COL23A1: variants seen among roughly 807,000 people sequenced by gnomAD.
COL23A1 encodes the protein collagen alpha-1(XXIII) chain.
In COL23A1, 97 loss-of-function variants were observed where a neutral mutation model predicts 99.3. That is an observed-to-expected ratio of 0.98 (90% CI 0.83 to 1.16). COL23A1 has a LOEUF of 1.16. Ranked by LOEUF, COL23A1 falls within the 50% of genes most tolerant of loss-of-function variation. COL23A1 has a pLI of 0.00. For missense variants in COL23A1, 762 were observed against 757.4 expected (o/e 1.01, Z -0.07); for synonymous variants, 320 against 308.2 (o/e 1.04, Z -0.40).
In COL23A1 at chr5:178,552,851, C is replaced by T. The variant is rs1054837100; in HGVS notation, c.361+7831G>A. On this transcript the variant is annotated intron_variant, in intron 2 of 28. Coordinates refer to ENST00000390654, the MANE Select transcript of COL23A1 (RefSeq NM_173465.4). The stretch of plus-strand genomic sequence containing the variant: ...GCCTCAGTCTCCTGAGTAGCTGGGA[C>T]TACAGGCGCGTGCCACCACACCTGG... Among the ~76,000 whole-genome samples, 17 of 151,986 alleles carry T rather than the reference C, an allele frequency of 1.1e-4. No homozygotes were observed. The East Asian group carries it at 2.0e-3, about 18-fold the overall frequency.
intron 2 of COL23A1, among the ~76,000 whole-genome samples, chr5:178,485,048 G>T (rs1581480303): frequency 1.3e-5 from 2 of 152,286 alleles, no homozygotes; most frequent in East Asian, 1.9e-4. Context: ...TGGCAATCTT[G>T]ACCTAAAAAA....
At chr5:178,558,961 T>A (rs1762416915) in intron 2 of COL23A1, among the ~76,000 whole-genome samples, 1 of 152,080 alleles carries the variant, frequency 6.6e-6, no homozygotes, top group Non-Finnish European at 1.5e-5. Context: ...GCTAATTTTT[T>A]ATATTTTTTG....
chr5:178,483,249 G>A (rs975800494), intron 2 of COL23A1, among the ~76,000 whole-genome samples: 6 of 152,068 alleles, frequency 3.9e-5, no homozygotes, highest in African/African-American at 1.5e-4. Flanking sequence ...CTTCAAATGA[G>A]TCCCTTTTGA....
intron 12 of COL23A1, 57 bp downstream of exon 12, chr5:178,259,664 T>C: frequency 1.0e-6 from 1 of 983,078 alleles, no homozygotes; most frequent in Non-Finnish European, 1.5e-6. Flanking sequence ...GCCCCTGCCC[T>C]TCTCTCCAGC....
intron 1 of COL23A1, among the ~76,000 whole-genome samples, chr5:178,575,177 GTCC>G (rs1763286253): frequency 7.1e-6 from 1 of 140,868 alleles, no homozygotes; most frequent in South Asian, 2.3e-4. Context: ...AAAGAAAAGT[GTCC>G]TCCTTTAGGA....
chr5:178,356,691 G>A (rs1251025898), intron 2 of COL23A1, among the ~76,000 whole-genome samples: 4 of 152,328 alleles, frequency 2.6e-5, no homozygotes, highest in African/African-American at 9.6e-5. Flanking sequence ...ATTGCCGCCG[G>A]AGCAGAGCCG....
At chr5:178,480,465 A>G (rs983264355) in intron 2 of COL23A1, among the ~76,000 whole-genome samples, 1 of 152,094 alleles carries the variant, frequency 6.6e-6, no homozygotes, top group African/African-American at 2.4e-5. Context: ...TGCACCTCCC[A>G]CCCGCAAGCC....
intron 2 of COL23A1, among the ~76,000 whole-genome samples, chr5:178,559,399 C>T (rs1762440637): frequency 6.6e-6 from 1 of 152,160 alleles, no homozygotes; most frequent in Non-Finnish European, 1.5e-5. Flanking sequence ...CAAAAGTCAC[C>T]TTTCCCTGCA....
At chr5:178,240,909 C>T (rs961607761) in intron 27 of COL23A1, among the ~76,000 whole-genome samples, 10 of 152,148 alleles carry the variant, frequency 6.6e-5, no homozygotes, top group East Asian at 1.9e-4. Context: ...TGAGCTCCAC[C>T]GGAAGAGTGT....
chr5:178,438,126 G>A (rs368036085), intron 2 of COL23A1, among the ~76,000 whole-genome samples: 170 of 152,342 alleles, frequency 1.1e-3, no homozygotes, highest in African/African-American at 3.9e-3. Context: ...CTCTGCTGTG[G>A]TCCAAACCAA....
At chr5:178,376,945 T>C (rs1763100147) in intron 2 of COL23A1, among the ~76,000 whole-genome samples, 1 of 152,162 alleles carries the variant, frequency 6.6e-6, no homozygotes, top group African/African-American at 2.4e-5. Context: ...CCGAAAAGGC[T>C]GATAAATGCA....
chr5:178,540,263 C>T (rs930534179), intron 2 of COL23A1, among the ~76,000 whole-genome samples: 1 of 152,082 alleles, frequency 6.6e-6, no homozygotes, highest in Non-Finnish European at 1.5e-5. Context: ...GTAGAAGATA[C>T]ATGGAAAATC....
At chr5:178,574,040 G>A (rs1763232421) in intron 1 of COL23A1, among the ~76,000 whole-genome samples, 1 of 152,100 alleles carries the variant, frequency 6.6e-6, no homozygotes, top group African/African-American at 2.4e-5. Context: ...TGTATTTTTA[G>A]TAGAGACAGG....
chr5:178,247,489 G>A, intron 22 of COL23A1, 37 bp downstream of exon 22: 1 of 1,612,072 alleles, frequency 6.2e-7, no homozygotes, highest in Non-Finnish European at 8.5e-7. Flanking sequence ...CCCAGACGGT[G>A]AGTCTGAGGC....
chr5:178,493,765 A>G (rs2127974527), intron 2 of COL23A1, among the ~76,000 whole-genome samples: 1 of 152,352 alleles, frequency 6.6e-6, no homozygotes, highest in Admixed American at 6.5e-5. Context: ...GGCCTTTCCA[A>G]AGCAAAGCTG....
At chr5:178,342,592 T>G (rs1230792281) in intron 2 of COL23A1, among the ~76,000 whole-genome samples, 1 of 152,194 alleles carries the variant, frequency 6.6e-6, no homozygotes, top group African/African-American at 2.4e-5. Flanking sequence ...AGCTCCCTGC[T>G]GAGTTTGGCT....
chr5:178,540,311 A>G (rs1056411750), intron 2 of COL23A1, among the ~76,000 whole-genome samples: 2 of 152,232 alleles, frequency 1.3e-5, no homozygotes, highest in Admixed American at 6.5e-5. Flanking sequence ...GTGGCAAGGT[A>G]ACTAGATACA....
intron 2 of COL23A1, among the ~76,000 whole-genome samples, chr5:178,401,446 G>A (rs1764444013): frequency 6.6e-6 from 1 of 152,134 alleles, no homozygotes; most frequent in Admixed American, 6.5e-5. Context: ...TCCTTATCTT[G>A]GCATAGCGCA....
chr5:178,248,494 G>A (rs551814995), intron 19 of COL23A1, among the ~76,000 whole-genome samples: 8 of 152,268 alleles, frequency 5.3e-5, no homozygotes, highest in African/African-American at 1.2e-4. Flanking sequence ...GGGAGCAACC[G>A]GGGGCTGTGA....
Sources: gnomAD v4.1 joint callset for allele counts (sites outside exome capture counted in the v4.1 genomes callset) on GRCh38, gnomAD v4.1.1 for gene constraint, MANE v1.5 for transcripts, NCBI Gene and HGNC (gene_info 2026-07-23, HGNC 2026-07-21) for gene names.